Variants in ZSCAN25 observed in about 807,000 individuals in gnomAD.
ZSCAN25 encodes the protein zinc finger and SCAN domain containing 25, also known as zinc finger and SCAN domain-containing protein 25.
ZSCAN25 carries 27 observed loss-of-function variants against 38.7 expected under a neutral mutation model. That is an observed-to-expected ratio of 0.70 (90% confidence interval 0.51 to 0.96). The LOEUF (loss-of-function observed/expected upper bound fraction) is 0.96, where lower values mean the gene tolerates loss of function less well. ZSCAN25 is among the 40% of genes least tolerant of loss of function. ZSCAN25 has a pLI of 0.00. For synonymous variants in ZSCAN25, 273 were observed against 277.7 expected (o/e 0.98, Z 0.17); for missense variants, 637 against 705.9 (o/e 0.90, Z 1.11).
the ZSCAN25 span, among the ~76,000 whole-genome samples, chr7:99,641,818 C>G: frequency 6.6e-6 from 1 of 152,202 alleles, no homozygotes; most frequent in Non-Finnish European, 1.5e-5. Flanking sequence ...TCCAAGGCTT[C>G]AGGTCCAATC....
At chr7:99,711,844 A>G in the ZSCAN25 span, among the ~76,000 whole-genome samples, 3 of 152,188 alleles carry the variant, frequency 2.0e-5, no homozygotes, top group Non-Finnish European at 2.9e-5. Flanking sequence ...TGAACTACTG[A>G]TTCAAGTCTG....
chr7:99,634,755 C>T (rs1036557775), downstream of ZSCAN25, among the ~76,000 whole-genome samples: 3 of 152,162 alleles, frequency 2.0e-5, no homozygotes, highest in African/African-American at 4.8e-5. Flanking sequence ...CGAGATCGCA[C>T]CACTGCACTG....
the ZSCAN25 span, chr7:99,705,382 G>T: frequency 8.8e-7 from 1 of 1,136,312 alleles, no homozygotes; most frequent in Non-Finnish European, 1.3e-6. Flanking sequence ...GATTATTTAT[G>T]CAGCACATTG....
chr7:99,619,626 A>G lies in ZSCAN25; in HGVS notation c.20A>G (p.Glu7Gly), dbSNP rs1454866812. The G allele has an allele frequency of 1.9e-6, 3 of 1,613,702 alleles. No homozygotes were observed. Among genetic ancestry groups the G allele is most frequent in the Non-Finnish European group, 2.5e-6 (3 of 1,179,710 alleles). The change falls in exon 4 of 8, where the codon GAG becomes GGG. Residue 7 changes from glutamate (E) to glycine (G), a missense_variant. Physicochemically the swap from Glu to Gly is moderately conservative, Grantham distance 98. Coordinates refer to ENST00000394152, the MANE Select transcript of ZSCAN25 (RefSeq NM_145115.3). ...CTGAAGATGCTTAAAGAGCATCCAG[A>G]GATGGCGGAAGCTCCTCAGCAGCAG... MLKEHP[E>G]MAEAPQQQLG...
At chr7:99,707,718 A>G in the ZSCAN25 span, 3 of 1,563,540 alleles carry the variant, frequency 1.9e-6, no homozygotes, top group African/African-American at 1.4e-5. Flanking sequence ...CAAATTATTA[A>G]AAGATTAAGT....
chr7:99,667,659 C>T, the ZSCAN25 span, among the ~76,000 whole-genome samples: 65 of 152,266 alleles, frequency 4.3e-4, no homozygotes, highest in African/African-American at 1.4e-3. Flanking sequence ...CTTTTCCCAA[C>T]TTGGGGCTGG....
At chr7:99,706,930 TC>T in the ZSCAN25 span, among the ~76,000 whole-genome samples, 1 of 152,336 alleles carries the variant, frequency 6.6e-6, no homozygotes, top group East Asian at 1.9e-4. Flanking sequence ...GGGAAGACAT[TC>T]TTAGATAAAG....
chr7:99,731,618 A>C, the ZSCAN25 span, among the ~76,000 whole-genome samples: 2 of 152,220 alleles, frequency 1.3e-5, no homozygotes, highest in East Asian at 3.8e-4. Context: ...ACAGGGGGTC[A>C]CTGAGAGCCT....
chr7:99,657,578 T>C, the ZSCAN25 span, among the ~76,000 whole-genome samples: 1 of 152,092 alleles, frequency 6.6e-6, no homozygotes, highest in Admixed American at 6.5e-5. Context: ...GGGTGGAGAG[T>C]TCTGTAGATG....
the ZSCAN25 span, chr7:99,731,211 G>A: frequency 4.4e-6 from 7 of 1,594,558 alleles, no homozygotes; most frequent in Admixed American, 1.0e-4. Flanking sequence ...TATAGGGGCT[G>A]GTGAGTCACT....
the ZSCAN25 span, chr7:99,647,854 G>A: frequency 2.4e-4 from 233 of 985,066 alleles, no homozygotes; most frequent in Non-Finnish European, 2.8e-4. Context: ...TAATATTTTT[G>A]TAAAGGGGAT....
downstream of ZSCAN25, among the ~76,000 whole-genome samples, chr7:99,635,686 GTTATT>G (rs140565350): frequency 0.029 from 4,462 of 152,108 alleles, 207 homozygotes; most frequent in African/African-American, 0.1. Flanking sequence ...TATGCTCCCA[GTTATT>G]TTAAGACACA....
chr7:99,682,769 CCTT>C, the ZSCAN25 span, among the ~76,000 whole-genome samples: 1 of 151,740 alleles, frequency 6.6e-6, no homozygotes, highest in Admixed American at 6.6e-5. Context: ...CATGGAATAT[CCTT>C]CTTTTTTGTG....
At chr7:99,710,890 G>C in the ZSCAN25 span, 1 of 1,613,706 alleles carries the variant, frequency 6.2e-7, no homozygotes, top group East Asian at 2.2e-5. Context: ...AGATCAGACA[G>C]AGCTGAAAGG....
chr7:99,619,473 A>T, intron 3 of ZSCAN25, 88 bp from the exon 4 acceptor site: 1 of 1,080,218 alleles, frequency 9.3e-7, no homozygotes, highest in Non-Finnish European at 1.3e-6. Flanking sequence ...TGTAAAAGGT[A>T]ATTACTGTGT....
Position 99,630,986 on chromosome 7 carries a change from T to G in ZSCAN25, c.*966T>G, listed in dbSNP as rs1207992376. The G allele has an allele frequency of 7.4e-6, 7 of 944,822 alleles. No homozygotes were observed. Among genetic ancestry groups the G allele is most frequent in the Non-Finnish European group, 8.8e-6 (7 of 793,076 alleles). 58.5% of individuals were successfully genotyped at this position (944,822 alleles called of 1,614,324 possible). ...TCACCCCATTCTCATTGGACCCATTTCCCAAGTATTTATTGAGGCCCTGTA... is the reference window on the plus strand; with the variant it reads ...TCACCCCATTCTCATTGGACCCATTGCCCAAGTATTTATTGAGGCCCTGTA... On this transcript the variant is annotated 3_prime_UTR_variant, in exon 8 of 8. Coordinates refer to ENST00000394152, the MANE Select transcript of ZSCAN25 (RefSeq NM_145115.3).
the ZSCAN25 span, chr7:99,662,716 A>G: frequency 8.1e-7 from 1 of 1,227,624 alleles, no homozygotes. This position sits in a 1 kb window ranked among gnomAD's most constrained non-coding sequence, Gnocchi z 4.3. Context: ...CTATGTGGCA[A>G]AAATTCTCAT....
chr7:99,674,818 C>T, the ZSCAN25 span, among the ~76,000 whole-genome samples: 2 of 152,196 alleles, frequency 1.3e-5, no homozygotes, highest in African/African-American at 4.8e-5. Context: ...GAAGGACTCA[C>T]CCTTGTCTAT....
the ZSCAN25 span, chr7:99,660,293 A>C: frequency 4.5e-6 from 5 of 1,105,656 alleles, no homozygotes; most frequent in Non-Finnish European, 5.5e-6. Flanking sequence ...AGGGCCAGCA[A>C]TATTGTACAA....
Sources: allele counts gnomAD v4.1 joint callset (sites outside exome capture counted in the v4.1 genomes callset), GRCh38; gene constraint gnomAD v4.1.1; non-coding constraint Gnocchi (gnomAD v3.1); transcripts MANE v1.5; gene names NCBI Gene and HGNC (gene_info 2026-07-23, HGNC 2026-07-21).